TEK: variants seen among roughly 807,000 people sequenced by gnomAD.
The protein encoded by TEK is angiopoietin-1 receptor.
In TEK, 43 loss-of-function variants were observed where a neutral mutation model predicts 131.8. The ratio of observed to expected loss-of-function variants is 0.33; its 90% confidence interval spans 0.26 to 0.42. The LOEUF (loss-of-function observed/expected upper bound fraction) is 0.42. Ranked by LOEUF, TEK falls within the 10% of genes least tolerant of loss-of-function variation. TEK has a pLI of 1.00. For missense variants in TEK, 1,162 were observed against 1,384.4 expected (o/e 0.84, Z 2.55); for synonymous variants, 580 against 491.6 (o/e 1.18, Z -2.38).
intron 14 of TEK, 74 bp from the exon 15 acceptor site, chr9:27,206,508 C>T: frequency 6.8e-7 from 1 of 1,469,672 alleles, no homozygotes. Context: ...GTGTGGATGC[C>T]AACCAGAAGA....
At chr9:27,187,269 T>G (rs1824633465) in intron 9 of TEK, among the ~76,000 whole-genome samples, 1 of 152,228 alleles carries the variant, frequency 6.6e-6, no homozygotes, top group South Asian at 2.1e-4. Context: ...CCATAAAATG[T>G]AAATAGCCAT....
intron 1 of TEK, among the ~76,000 whole-genome samples, chr9:27,129,817 C>G (rs923573032): frequency 1.3e-4 from 20 of 152,154 alleles, no homozygotes; most frequent in African/African-American, 4.8e-4. Flanking sequence ...GACCCTAGAC[C>G]AGGCTCTGGC....
chr9:27,176,001 C>T (rs998811048), intron 6 of TEK, among the ~76,000 whole-genome samples: 2 of 152,124 alleles, frequency 1.3e-5, no homozygotes, highest in African/African-American at 4.8e-5. Context: ...ATGAACTCAT[C>T]TCAGCCCATT....
At chr9:27,212,206 G>A (rs755836179) in intron 16 of TEK, among the ~76,000 whole-genome samples, 1 of 152,134 alleles carries the variant, frequency 6.6e-6, no homozygotes, top group Non-Finnish European at 1.5e-5. Flanking sequence ...GTAGAAGGCA[G>A]GAGAGACAAT....
chr9:27,219,880 T>G (rs2131246207), intron 20 of TEK, among the ~76,000 whole-genome samples, 169 bp from the exon 21 acceptor site: 1 of 152,328 alleles, frequency 6.6e-6, no homozygotes, highest in East Asian at 1.9e-4. Context: ...GTCTATAGTG[T>G]AAGCCCAGCT....
intron 1 of TEK, among the ~76,000 whole-genome samples, chr9:27,137,736 T>G (rs560534683): frequency 2.0e-5 from 3 of 152,364 alleles, no homozygotes; most frequent in African/African-American, 7.2e-5. Context: ...AGAGGCTCAC[T>G]ATTGTGAATT....
chr9:27,206,598 T>G lies in TEK; in HGVS notation c.2381T>G (p.Val794Gly), dbSNP rs1164027603. 1.9e-6 allele frequency: 3 copies of G among 1,613,802 alleles called. No homozygotes were observed. Among genetic ancestry groups the G allele is most frequent in the Non-Finnish European group, 2.5e-6 (3 of 1,179,956 alleles). The change falls in exon 15 of 23, where the codon GTG becomes GGG. Residue 794 changes from valine (V) to glycine (G), a missense_variant. Val to Gly is a moderately radical substitution (Grantham distance 109). Transcript: ENST00000380036. The stretch of plus-strand genomic sequence containing the variant: ...TTTTTCCAGAGGGAAGAACCAGCTG[T>G]GCAGTTCAACTCAGGGACTCTGGCC... Reference protein sequence around the residue: ...AFQNVREEPAVQFNSGTLALN... With the variant: ...AFQNVREEPAGQFNSGTLALN...
intron 1 of TEK, among the ~76,000 whole-genome samples, chr9:27,131,576 A>G (rs1255722576): frequency 6.6e-6 from 1 of 150,870 alleles, no homozygotes; most frequent in Non-Finnish European, 1.5e-5. Flanking sequence ...TAATCCCCGC[A>G]TGTTGGGAGG....
chr9:27,135,892 G>C (rs1200342320), intron 1 of TEK, among the ~76,000 whole-genome samples: 1 of 152,164 alleles, frequency 6.6e-6, no homozygotes, highest in Non-Finnish European at 1.5e-5. Flanking sequence ...TAAATGTGCA[G>C]AGCCCAAGTC....
At chr9:27,165,135 A>G (rs1184871150) in intron 2 of TEK, among the ~76,000 whole-genome samples, 1 of 152,180 alleles carries the variant, frequency 6.6e-6, no homozygotes, top group Non-Finnish European at 1.5e-5. Flanking sequence ...GTTAAAAAGC[A>G]CAGTCCTAAA....
rs780498000 is a variant in TEK at position 27,209,130 on chromosome 9, C to G, written c.2585C>G (p.Ser862Cys). 1.9e-6 allele frequency: 3 copies of G among 1,612,742 alleles called. No individual in the cohort carries two copies. The highest frequency in any genetic ancestry group is 2.5e-6 in the Non-Finnish European group (3 of 1,178,850). ...AAIKRMKEYA[S>C]KDDHRDFAGE... is the part of the protein sequence containing the mutation. ...TTGACTTTCTTCCCAGAATATGCCTCCAAAGATGATCACAGGGACTTTGCA... is the reference window on the plus strand; with the variant it reads ...TTGACTTTCTTCCCAGAATATGCCTGCAAAGATGATCACAGGGACTTTGCA... Residue 862 changes from serine (S) to cysteine (C), a missense_variant, in exon 16 of 23, where the codon TCC (serine) becomes TGC (cysteine). Physicochemically the swap from Ser to Cys is moderately radical, Grantham distance 112. Transcript: ENST00000380036.
chr9:27,227,920 G>C (rs1826403676), intron 21 of TEK, among the ~76,000 whole-genome samples: 1 of 152,104 alleles, frequency 6.6e-6, no homozygotes, highest in Non-Finnish European at 1.5e-5. Context: ...AGCATTCCAA[G>C]GCAAATGCTG....
intron 15 of TEK, among the ~76,000 whole-genome samples, chr9:27,208,494 T>C (rs560446129): frequency 8.5e-5 from 13 of 152,186 alleles, no homozygotes; most frequent in Non-Finnish European, 1.9e-4. Flanking sequence ...GCAAAAAGAA[T>C]AGAAGCAGAT....
intron 1 of TEK, among the ~76,000 whole-genome samples, chr9:27,149,932 C>T (rs976687589): frequency 6.6e-6 from 1 of 152,110 alleles, no homozygotes; most frequent in Non-Finnish European, 1.5e-5. Context: ...GCATCCCACT[C>T]CTGAGACAAA....
intron 2 of TEK, among the ~76,000 whole-genome samples, chr9:27,158,902 G>A (rs182317879): frequency 6.6e-6 from 1 of 152,254 alleles, no homozygotes; most frequent in East Asian, 1.9e-4. Flanking sequence ...CTCGTGATCT[G>A]CCCGCCATGG....
Position 27,173,310 on chromosome 9 carries a change from C to T in TEK, c.849C>T (p.Asp283=). The part of the protein sequence containing the change: ...GCKSYVFCLP[D]PYGCSCATGW... The stretch of plus-strand genomic sequence containing the variant: ...AGTCTTATGTGTTCTGTCTCCCTGA[C>T]CCCTATGGGTGTTCCTGTGCCACAG... The change falls in exon 6 of 23, where the codon GAC becomes GAT. Residue 283 remains aspartate (D), a synonymous_variant. Coordinates refer to ENST00000380036, the MANE Select transcript of TEK (RefSeq NM_000459.5). The T allele has an allele frequency of 1.9e-6, 3 of 1,614,106 alleles. No homozygotes were observed. Among genetic ancestry groups the T allele is most frequent in the East Asian group, 2.2e-5 (1 of 44,888 alleles).
At chr9:27,202,164 G>C (rs982523575) in intron 12 of TEK, among the ~76,000 whole-genome samples, 6 of 152,132 alleles carry the variant, frequency 3.9e-5, no homozygotes, top group Admixed American at 3.9e-4. Flanking sequence ...TTCTCATCCT[G>C]CCCGTGTCCC....
At chr9:27,219,693 A>AAATATGAGTTAT (rs1825975740) in intron 20 of TEK, among the ~76,000 whole-genome samples, 1 of 151,894 alleles carries the variant, frequency 6.6e-6, no homozygotes. Flanking sequence ...ATCATTGATA[A>AAATATGAGTTAT]AATATGAGTT....
chr9:27,185,571 C>T lies in TEK; in HGVS notation c.1269C>T (p.Val423=). The stretch of plus-strand genomic sequence containing the variant: ...TCCCCCCTGACTCAGGAGTTTGGGT[C>T]TGCAGTGTGAACACAGTGGCTGGGA... ...RILPPDSGVW[V]CSVNTVAGMV... Residue 423 remains valine, a synonymous_variant, in exon 9 of 23, where the codon GTC becomes GTT. Coordinates refer to ENST00000380036, the MANE Select transcript of TEK (RefSeq NM_000459.5). The T allele has an allele frequency of 1.2e-6, 2 of 1,613,814 alleles. No individual in the cohort carries two copies.
Sources: allele counts gnomAD v4.1 joint callset (sites outside exome capture counted in the v4.1 genomes callset), GRCh38; gene constraint gnomAD v4.1.1; transcripts MANE v1.5; gene names NCBI Gene and HGNC (gene_info 2026-07-23, HGNC 2026-07-21).